Variants in SPAG16 observed in about 807,000 individuals in gnomAD.
SPAG16 encodes the protein sperm associated antigen 16.
In SPAG16, 86 loss-of-function variants were observed where a neutral mutation model predicts 80.4. The observed-to-expected ratio is 1.07, with a 90% CI of 0.90 to 1.28. The LOEUF (loss-of-function observed/expected upper bound fraction) is 1.28. Ranked by LOEUF, SPAG16 falls within the 50% of genes most tolerant of loss-of-function variation. The probability of loss-of-function intolerance (pLI) is 0.00; values close to 1 mark genes in which losing one functional copy is unlikely to be tolerated. For missense variants in SPAG16, 870 were observed against 765.3 expected, an observed-to-expected ratio of 1.14 and a Z score of -1.61; for synonymous variants, 294 against 265.9, an observed-to-expected ratio of 1.11 and a Z score of -1.03.
intron 10 of SPAG16, among the ~76,000 whole-genome samples, chr2:213,842,390 A>AT (rs2074404660): frequency 6.6e-6 from 1 of 152,256 alleles, no homozygotes; most frequent in East Asian, 1.9e-4. Flanking sequence ...AAGAACCAGG[A>AT]GTAGTAAGAA....
At chr2:213,930,290 C>T (rs1350236457) in intron 12 of SPAG16, 145 bp downstream of exon 12, 9 of 498,328 alleles carry the variant, frequency 1.8e-5, no homozygotes, top group Non-Finnish European at 3.4e-6. Flanking sequence ...TAGAGAGCTA[C>T]TTAAATAATC....
intron 15 of SPAG16, among the ~76,000 whole-genome samples, chr2:214,215,654 C>T (rs1327466507): frequency 6.6e-6 from 1 of 152,134 alleles, no homozygotes; most frequent in Non-Finnish European, 1.5e-5. Flanking sequence ...TGTCAAGCAA[C>T]AAGTGTTCTT....
intron 11 of SPAG16, among the ~76,000 whole-genome samples, chr2:213,876,319 AAG>A (rs5838402): frequency 0.46 from 51,479 of 111,838 alleles, 10,348 homozygotes; most frequent in South Asian, 0.59. Context: ...AAAAAAAAAA[AAG>A]AAGAAGAAAA....
At position 213,980,281 on chromosome 2, in the gene SPAG16, T is replaced by C. The variant is rs2045640548; in HGVS notation, c.1401-33670T>C. ...TGTGTATATATATTCTCTATATATA[T>C]AGAATATATGTGTGTATATATATTC... On this transcript the variant is annotated intron_variant, in intron 12 of 15. Transcript: ENST00000331683. Among the ~76,000 whole-genome samples, 30 of 49,674 alleles carry C rather than the reference T, an allele frequency of 6.0e-4. 4 individuals are homozygous for C. The highest frequency in any genetic ancestry group is 4.2e-3 in the African/African-American group (30 of 7,090). The allele number at this position is 49,674 out of a possible 152,430, so 32.6% of individuals were successfully genotyped here.
chr2:213,949,179 T>TTTTTTTTTTTTTTTTG (rs1553677674), intron 12 of SPAG16, among the ~76,000 whole-genome samples: 2 of 36,260 alleles, frequency 5.5e-5, no homozygotes, highest in African/African-American at 1.6e-4. Context: ...GTTTTTTTTT[T>TTTTTTTTTTTTTTTTG]TTTTTTTTTT....
intron 9 of SPAG16, among the ~76,000 whole-genome samples, chr2:213,433,996 C>G (rs1034713486): frequency 1.4e-5 from 2 of 142,540 alleles, no homozygotes; most frequent in South Asian, 4.4e-4. Context: ...TTTTGGCTCA[C>G]TGCAACCTCT....
In SPAG16 at chr2:213,809,770, A is replaced by G. The variant is rs528819583; in HGVS notation, c.1071-52715A>G. On this transcript the variant is annotated intron_variant, in intron 10 of 15. Coordinates refer to ENST00000331683, the MANE Select transcript of SPAG16 (RefSeq NM_024532.5). ...ATTTAGGGGGAGACATGGTTTATCA[A>G]TGTTAATGGTATTGACATGCATGTG... Among the ~76,000 whole-genome samples, 447 of 152,352 alleles carry G rather than the reference A, an allele frequency of 2.9e-3. 7 individuals carry two copies. The South Asian group carries it at 0.033, about 11-fold the overall frequency.
intron 15 of SPAG16, among the ~76,000 whole-genome samples, chr2:214,196,152 C>T (rs72944042): frequency 7.1e-4 from 108 of 152,086 alleles, no homozygotes; most frequent in Non-Finnish European, 1.4e-3. Context: ...GTATTGTATG[C>T]CTCGGGAAGG....
At position 213,721,592 on chromosome 2, in the gene SPAG16, G is replaced by A. The variant is rs1027479117; in HGVS notation, c.1071-140893G>A. ...ATGATACCACTTTTCCTCTTTAAAC[G>A]GTAATAACCATTCATTGCAAATTAC... On this transcript the variant is annotated intron_variant, in intron 10 of 15. Coordinates refer to ENST00000331683, the MANE Select transcript of SPAG16 (RefSeq NM_024532.5). Among the ~76,000 whole-genome samples, 16 of 151,984 alleles carry A rather than the reference G, an allele frequency of 1.1e-4. No individual in the cohort carries two copies. In the South Asian group the frequency reaches 2.1e-3, roughly 20 times the overall value.
At chr2:213,860,469 C>CTATATATAGATATATGTATATATACATA (rs763500105) in intron 10 of SPAG16, among the ~76,000 whole-genome samples, 1 of 131,206 alleles carries the variant, frequency 7.6e-6, no homozygotes, top group South Asian at 2.4e-4. Context: ...ACAGATATAT[C>CTATATATAGATATATGTATATATACATA]TATCTATATA....
intron 15 of SPAG16, among the ~76,000 whole-genome samples, chr2:214,302,407 C>T (rs921324219): frequency 2.0e-5 from 3 of 152,086 alleles, no homozygotes; most frequent in African/African-American, 7.2e-5. Flanking sequence ...GTCAAAGTCC[C>T]CCACTATTTA....
chr2:214,104,849 A>G (rs140480973), intron 13 of SPAG16, among the ~76,000 whole-genome samples: 9 of 152,216 alleles, frequency 5.9e-5, no homozygotes, highest in African/African-American at 2.2e-4. Flanking sequence ...CACAGCAGCC[A>G]GGGACTCGCA....
chr2:213,302,004 G>A (rs2062758979), intron 3 of SPAG16, among the ~76,000 whole-genome samples: 1 of 152,090 alleles, frequency 6.6e-6, no homozygotes, highest in African/African-American at 2.4e-5. Flanking sequence ...TCTCCATTGT[G>A]TATCACTTCA....
At chr2:213,720,194 G>T (rs761672695) in intron 10 of SPAG16, among the ~76,000 whole-genome samples, 12 of 152,082 alleles carry the variant, frequency 7.9e-5, no homozygotes, top group Non-Finnish European at 1.3e-4. Context: ...CGGGGGCTGG[G>T]GATCTAGGGG....
chr2:213,361,716 G>C (rs1266906273), intron 7 of SPAG16, among the ~76,000 whole-genome samples: 2 of 150,452 alleles, frequency 1.3e-5, no homozygotes, highest in Non-Finnish European at 3.0e-5. Context: ...TATGACAAAG[G>C]AACTGTAGTG....
chr2:213,923,575 A>C (rs2078321714), intron 11 of SPAG16, among the ~76,000 whole-genome samples: 1 of 152,088 alleles, frequency 6.6e-6, no homozygotes, highest in East Asian at 1.9e-4. Context: ...AAACTCTATC[A>C]TGTGTCGCTT....
intron 10 of SPAG16, among the ~76,000 whole-genome samples, chr2:213,833,353 T>A (rs1030553853): frequency 7.4e-6 from 1 of 134,330 alleles, no homozygotes; most frequent in Non-Finnish European, 1.5e-5. Flanking sequence ...GGTATAACCA[T>A]ATTTTATACC....
At chr2:213,540,956 C>T (rs1371849020) in intron 10 of SPAG16, among the ~76,000 whole-genome samples, 1 of 152,182 alleles carries the variant, frequency 6.6e-6, no homozygotes, top group Non-Finnish European at 1.5e-5. Context: ...TGTATGTGCG[C>T]GTGCATGTGT....
At chr2:213,733,168 A>T (rs2067131856) in intron 10 of SPAG16, among the ~76,000 whole-genome samples, 1 of 151,168 alleles carries the variant, frequency 6.6e-6, no homozygotes, top group African/African-American at 2.4e-5. Flanking sequence ...GGCTGCGAGT[A>T]TGTCTGTTCA....
Sources: allele counts gnomAD v4.1 joint callset (sites outside exome capture counted in the v4.1 genomes callset), GRCh38; gene constraint gnomAD v4.1.1; transcripts MANE v1.5; gene names NCBI Gene and HGNC (gene_info 2026-07-23, HGNC 2026-07-21).